CSMD3: variants seen among roughly 807,000 people sequenced by gnomAD.
CSMD3 encodes CUB and Sushi multiple domains 3.
A neutral mutation model predicts 435.2 loss-of-function variants in CSMD3; 177 were observed. The observed-to-expected ratio is 0.41, with a 90% CI of 0.36 to 0.46. The LOEUF (loss-of-function observed/expected upper bound fraction) is 0.46, where lower values mean the gene tolerates loss of function less well. Ranked by LOEUF, CSMD3 falls within the 20% of genes least tolerant of loss-of-function variation. CSMD3 has a pLI of 0.34. For missense variants in CSMD3, 4,265 were observed against 4,504.6 expected (o/e 0.95, Z 1.52); for synonymous variants, 1,656 against 1,520.5 (o/e 1.09, Z -2.07).
chr8:113,329,321 T>C (rs566790033), intron 1 of CSMD3, among the ~76,000 whole-genome samples: 3 of 151,938 alleles, frequency 2.0e-5, no homozygotes, highest in South Asian at 2.1e-4. Flanking sequence ...CAGATGGAAA[T>C]TCTGCAGTTG....
intron 3 of CSMD3, among the ~76,000 whole-genome samples, chr8:113,275,701 TA>T (rs1482577200): frequency 1.3e-5 from 2 of 151,956 alleles, no homozygotes; most frequent in African/African-American, 2.4e-5. Flanking sequence ...AAAATATTTT[TA>T]AAAATACAGG....
intron 2 of CSMD3, among the ~76,000 whole-genome samples, chr8:113,282,691 T>G (rs1406499617): frequency 6.6e-6 from 1 of 151,668 alleles, no homozygotes; most frequent in Non-Finnish European, 1.5e-5. Context: ...GCAATCCCCA[T>G]CAAAATACCA....
chr8:112,282,349 C>T (rs1818739196), intron 58 of CSMD3, among the ~76,000 whole-genome samples: 1 of 151,826 alleles, frequency 6.6e-6, no homozygotes, highest in African/African-American at 2.4e-5. Flanking sequence ...TAAGCAGAAC[C>T]TATGATAAAA....
At chr8:112,732,719 A>C (rs1175382064) in intron 13 of CSMD3, among the ~76,000 whole-genome samples, 1 of 151,244 alleles carries the variant, frequency 6.6e-6, no homozygotes, top group Non-Finnish European at 1.5e-5. Context: ...AAAAAAAAGA[A>C]AAAAGAAAAG....
chr8:112,410,640 A>ATATATATGTGTATATATATATGTG (rs1563913212), intron 32 of CSMD3, among the ~76,000 whole-genome samples: 4 of 57,526 alleles, frequency 7.0e-5, no homozygotes, highest in African/African-American at 2.8e-4. Flanking sequence ...ATATATATGT[A>ATATATATGTGTATATATATATGTG]TATATATATG....
intron 1 of CSMD3, among the ~76,000 whole-genome samples, chr8:113,418,244 G>A (rs1332097035): frequency 1.3e-5 from 2 of 152,134 alleles, no homozygotes; most frequent in South Asian, 2.1e-4. Flanking sequence ...GTGTGAGGAA[G>A]GGAGAGTTTA....
rs546920182 is a variant in CSMD3 at position 112,365,468 on chromosome 8, CTTTTTTTTTTTTT to C, written c.6137-12947_6137-12935del. Among the ~76,000 whole-genome samples the C allele has an allele frequency of 1.4e-4, 16 of 112,654 alleles. No homozygotes were observed. In the South Asian group the frequency reaches 5.1e-3, roughly 36 times the overall value. The allele number at this position is 112,654 out of a possible 152,430, so 73.9% of individuals were successfully genotyped here. A position where few individuals can be genotyped will look rare whatever the true frequency, so the allele number is the denominator to read the frequency against. On this transcript the variant is annotated intron_variant, in intron 38 of 70. Transcript: ENST00000297405. ...TGAAAAAAAATTACGCATAGATTTC[CTTTTTTTTTTTTT>C]TTTTTTTTTTTACCAAATGGACTTC...
chr8:112,549,130 A>C (rs1224422154), intron 27 of CSMD3, among the ~76,000 whole-genome samples: 4 of 152,046 alleles, frequency 2.6e-5, no homozygotes, highest in Non-Finnish European at 5.9e-5. Context: ...TTGCAATAAC[A>C]ATTTAAGTGG....
intron 14 of CSMD3, among the ~76,000 whole-genome samples, chr8:112,686,302 A>G (rs2076009083): frequency 6.6e-6 from 1 of 152,192 alleles, no homozygotes; most frequent in Non-Finnish European, 1.5e-5. Flanking sequence ...AGCTCTTGCC[A>G]TCACACTAAA....
intron 44 of CSMD3, among the ~76,000 whole-genome samples, chr8:112,335,953 C>T (rs1341350429): frequency 6.6e-6 from 1 of 152,066 alleles, no homozygotes; most frequent in South Asian, 2.1e-4. Context: ...CACTCCGTTG[C>T]CCATGCTGGA....
At chr8:112,541,718 C>A (rs1299804099) in intron 27 of CSMD3, among the ~76,000 whole-genome samples, 5 of 151,768 alleles carry the variant, frequency 3.3e-5, no homozygotes, top group African/African-American at 4.8e-5. Flanking sequence ...TTCCCACCAA[C>A]CCCCGCAAAT....
At chr8:112,681,434 C>T (rs2075891571) in intron 16 of CSMD3, among the ~76,000 whole-genome samples, 1 of 151,928 alleles carries the variant, frequency 6.6e-6, no homozygotes, top group African/African-American at 2.4e-5. Flanking sequence ...ATGTTAATTC[C>T]TTCTGTGGCA....
chr8:112,415,070 A>C (rs2130185621), intron 32 of CSMD3, among the ~76,000 whole-genome samples: 1 of 152,358 alleles, frequency 6.6e-6, no homozygotes, highest in South Asian at 2.1e-4. Flanking sequence ...AATTTGCATA[A>C]GTAATGAGGA....
intron 10 of CSMD3, among the ~76,000 whole-genome samples, chr8:112,894,858 A>C (rs558352388): frequency 5.9e-5 from 9 of 151,488 alleles, no homozygotes; most frequent in South Asian, 2.1e-4. Flanking sequence ...TTGAAAAAAA[A>C]ACACACACAC....
intron 3 of CSMD3, among the ~76,000 whole-genome samples, chr8:113,271,181 G>C (rs2093522491): frequency 6.6e-6 from 1 of 152,110 alleles, no homozygotes; most frequent in African/African-American, 2.4e-5. Flanking sequence ...TTTGCAGCCT[G>C]ATGACGCAGT....
chr8:113,198,565 C>CA (rs1467137522), intron 3 of CSMD3, among the ~76,000 whole-genome samples: 1 of 151,130 alleles, frequency 6.6e-6, no homozygotes, highest in Non-Finnish European at 1.5e-5. Flanking sequence ...TACACTAACT[C>CA]AGAAGGGTTG....
intron 53 of CSMD3, among the ~76,000 whole-genome samples, chr8:112,297,190 G>T (rs1339085089): frequency 2.1e-5 from 2 of 93,446 alleles, no homozygotes; most frequent in African/African-American, 8.5e-5. Flanking sequence ...AAATAGAAAA[G>T]AAAAAATCAC....
rs1477012283 is a variant in CSMD3, at chr8:113,173,858, G to A, written c.573C>T (p.Gly191=). The change falls in exon 4 of 71, where the codon GGC becomes GGT. Residue 191 remains glycine, a synonymous_variant. Transcript: ENST00000297405. ...PGVPPKGVLY[G]TRFDVGDKIR... The stretch of plus-strand genomic sequence containing the variant: ...TCTTGTCCCCGACGTCGAATCTTGT[G>A]CCATATAATACACCTTTGGGTGGAA... The A allele has an allele frequency of 1.2e-6, 2 of 1,613,788 alleles. No homozygotes were observed. The highest frequency in any genetic ancestry group is 1.7e-6 in the Non-Finnish European group (2 of 1,179,822).
chr8:113,359,700 G>A (rs988962210), intron 1 of CSMD3, among the ~76,000 whole-genome samples: 13 of 152,232 alleles, frequency 8.5e-5, no homozygotes, highest in African/African-American at 2.2e-4. Flanking sequence ...ATTGGTTGTT[G>A]CAAGCAATTA....
Sources: gnomAD v4.1 joint callset for allele counts (sites outside exome capture counted in the v4.1 genomes callset) on GRCh38, gnomAD v4.1.1 for gene constraint, MANE v1.5 for transcripts, NCBI Gene and HGNC (gene_info 2026-07-23, HGNC 2026-07-21) for gene names.